NLRP1: variants seen among roughly 807,000 people sequenced by gnomAD.
The protein encoded by NLRP1 is NACHT, LRR and PYD domains-containing protein 1.
Under a neutral mutation model 136.7 loss-of-function variants are expected in NLRP1, and 94 were observed. The ratio of observed to expected loss-of-function variants is 0.69; its 90% CI spans 0.58 to 0.82. The LOEUF is 0.82. NLRP1 is among the 40% of genes least tolerant of loss of function. The pLI, the probability that NLRP1 is intolerant of heterozygous loss-of-function variation, is 0.00. For synonymous variants in NLRP1, 690 were observed against 725.1 expected (o/e 0.95, Z 0.78); for missense variants, 1,575 against 1,802.7 (o/e 0.87, Z 2.29).
Position 5,532,970 on chromosome 17 carries a change from C to T in NLRP1, c.3148G>A (p.Glu1050Lys). 6.2e-7 allele frequency: 1 copy of T among 1,612,372 alleles called. No individual in the cohort carries two copies. Among genetic ancestry groups the T allele is most frequent in the Non-Finnish European group, 8.5e-7 (1 of 1,179,358 alleles). The change falls in exon 11 of 17, where the codon GAG (glutamate) becomes AAG (lysine). Residue 1050 changes from glutamate to lysine, a missense_variant. Glu to Lys is a moderately conservative substitution (Grantham distance 56, BLOSUM62 1). Coordinates refer to ENST00000572272, the MANE Select transcript of NLRP1 (RefSeq NM_033004.4). ...CACAAGAGTTCCACCGGTACTACCT[C>T]TGGGGAGCTTTCCTCTGAAACAGCA... ...IAEIAEESSP[E>K]VVPVELLCVP... is the part of the protein sequence containing the mutation.
chr17:5,542,734 C>CTCCTTCCTTCCT (rs1246321354), intron 5 of NLRP1, among the ~76,000 whole-genome samples: 1 of 132,406 alleles, frequency 7.6e-6, no homozygotes, highest in Non-Finnish European at 1.6e-5. Flanking sequence ...CTCCCTCCCT[C>CTCCTTCCTTCCT]TCCTTCCTTC....
intron 3 of NLRP1, among the ~76,000 whole-genome samples, chr17:5,573,582 A>ACACCT (rs1243677021): frequency 5.9e-5 from 9 of 152,200 alleles, no homozygotes; most frequent in Non-Finnish European, 1.5e-5. Flanking sequence ...GGGCAGACTG[A>ACACCT]CACCTCACAC....
rs1384827815 is a variant in NLRP1, at chr17:5,502,719, G to C, written c.4070-847C>G. 6 of 152,922 alleles carry C rather than the reference G, an allele frequency of 3.9e-5. No individual in the cohort carries two copies. The Admixed American group carries it at 3.9e-4, about 10-fold the overall frequency. 9.5% of individuals were successfully genotyped at this position (152,922 alleles called of 1,614,324 possible). On this transcript the variant is annotated intron_variant, in intron 15 of 15. Coordinates refer to the NLRP1 transcript ENST00000262467. The stretch of plus-strand genomic sequence containing the variant: ...GAAGGCAGAATGGAAGGACATGGAA[G>C]GACCAGAGAGTGAAAAGTGGAATGA...
At chr17:5,580,221 C>A (rs1905471644) in intron 3 of NLRP1, among the ~76,000 whole-genome samples, 1 of 151,946 alleles carries the variant, frequency 6.6e-6, no homozygotes, top group Non-Finnish European at 1.5e-5. Flanking sequence ...GGTGACCGAG[C>A]AAGACTCTGT....
downstream of NLRP1, among the ~76,000 whole-genome samples, chr17:5,510,863 T>C (rs957928733): frequency 2.0e-5 from 3 of 152,034 alleles, no homozygotes; most frequent in East Asian, 3.9e-4. Context: ...TGAGAATAGA[T>C]ACTCTGGCCT....
chr17:5,527,504 G>T (rs1196765266), intron 12 of NLRP1, among the ~76,000 whole-genome samples: 1 of 152,128 alleles, frequency 6.6e-6, no homozygotes, highest in Non-Finnish European at 1.5e-5. Context: ...CTTAGCCTGG[G>T]ATAAACAGGA....
rs900427548 is a variant in NLRP1 at position 5,514,727 on chromosome 17, C to G, written c.*27G>C. The stretch of plus-strand genomic sequence containing the variant: ...AGAAGGGTCAGCCAAAGCCAGGACT[C>G]AAGGGTCAAGGGCTGGTGTTGATAC... On this transcript the variant is annotated 3_prime_UTR_variant, in exon 17 of 17. Coordinates refer to ENST00000572272, the MANE Select transcript of NLRP1 (RefSeq NM_033004.4). 2 of 1,608,964 alleles carry G rather than the reference C, an allele frequency of 1.2e-6. No individual in the cohort carries two copies. The highest frequency in any genetic ancestry group is 1.3e-5 in the African/African-American group (1 of 74,866).
intron 3 of NLRP1, among the ~76,000 whole-genome samples, chr17:5,581,199 G>A (rs1248988263): frequency 2.6e-5 from 4 of 152,194 alleles, no homozygotes; most frequent in Non-Finnish European, 5.9e-5. Context: ...TGTGGCATCA[G>A]GAGCCTCTGT....
At chr17:5,518,502 A>G (rs1908433276) in intron 14 of NLRP1, 1 of 152,014 alleles carries the variant, frequency 6.6e-6, no homozygotes, top group Admixed American at 6.5e-5. Context: ...TTCCTAGTCA[A>G]GTGACCTTCA....
downstream of NLRP1, among the ~76,000 whole-genome samples, chr17:5,509,120 T>C (rs1907497450): frequency 6.6e-6 from 1 of 152,240 alleles, no homozygotes; most frequent in African/African-American, 2.4e-5. Flanking sequence ...GCAGGACTCC[T>C]GACCAATAGC....
intron 14 of NLRP1, among the ~76,000 whole-genome samples, chr17:5,518,742 T>C (rs1441383940): frequency 6.6e-6 from 1 of 151,606 alleles, no homozygotes; most frequent in African/African-American, 2.4e-5. Context: ...ATGGCCCAGG[T>C]TGGTCTTGAG....
At chr17:5,549,200 G>A (rs1567652889) in intron 5 of NLRP1, among the ~76,000 whole-genome samples, 1 of 149,976 alleles carries the variant, frequency 6.7e-6, no homozygotes, top group Non-Finnish European at 1.5e-5. Flanking sequence ...TTTTTGGATT[G>A]TTCATTGCTA....
At chr17:5,531,472 G>C (rs1484100737) in intron 11 of NLRP1, among the ~76,000 whole-genome samples, 1 of 152,110 alleles carries the variant, frequency 6.6e-6, no homozygotes, top group Non-Finnish European at 1.5e-5. Context: ...TCCTGCCTCG[G>C]TCTCTTAAAG....
Position 5,504,400 on chromosome 17 carries a change from A to C in NLRP1, c.4070-2528T>G, listed in dbSNP as rs1280119439. ...TTTGGGAGGCTGAGGTAGGTGGATC[A>C]CCTGAGGTCAGGAGTTCGAGACCAG... On this transcript the variant is annotated intron_variant, in intron 15 of 15. Transcript: ENST00000262467. This position sits in a 1 kb window ranked among gnomAD's most constrained non-coding sequence, Gnocchi z 4.4. 6.6e-6 allele frequency: 1 copy of C among 152,122 alleles called. No homozygotes were observed. Among genetic ancestry groups the C allele is most frequent in the African/African-American group, 2.4e-5 (1 of 41,364 alleles). 9.4% of individuals were successfully genotyped at this position (152,122 alleles called of 1,614,324 possible). A position where few individuals can be genotyped will look rare whatever the true frequency, so the allele number is the denominator to read the frequency against.
At chr17:5,520,466 C>T (rs1181871609) in intron 14 of NLRP1, among the ~76,000 whole-genome samples, 4 of 152,174 alleles carry the variant, frequency 2.6e-5, no homozygotes, top group African/African-American at 9.7e-5. Flanking sequence ...CAAATGTATG[C>T]AACCAAGGCC....
intron 5 of NLRP1, 24 bp downstream of exon 5, chr17:5,553,362 G>C (rs1913618384): frequency 6.3e-7 from 1 of 1,594,458 alleles, no homozygotes; most frequent in African/African-American, 1.3e-5. Flanking sequence ...CCCTGCTTCA[G>C]AACAGAACCC....
chr17:5,518,234 T>G, intron 14 of NLRP1: 1 of 196,992 alleles, frequency 5.1e-6, no homozygotes, highest in East Asian at 1.4e-4. Flanking sequence ...CACTGTCGAT[T>G]GACAAAAATT....
Position 5,584,290 on chromosome 17 carries a change from C to T in NLRP1, c.-333G>A, listed in dbSNP as rs200041485. The T allele has an allele frequency of 1.5e-5, 6 of 399,536 alleles. No homozygotes were observed. The highest frequency in any genetic ancestry group is 2.8e-5 in the Non-Finnish European group (6 of 215,312). 24.7% of individuals were successfully genotyped at this position (399,536 alleles called of 1,614,324 possible). A position where few individuals can be genotyped will look rare whatever the true frequency, so the allele number is the denominator to read the frequency against. ...CGGGAGATGGGGTGTGGGCAACGCT[C>T]ACTGTTCTGTGTTCCTCAGATTCTT... On this transcript the variant is annotated 5_prime_UTR_variant, in exon 1 of 17. Coordinates refer to ENST00000572272, the MANE Select transcript of NLRP1 (RefSeq NM_033004.4).
rs200045571 is a variant in NLRP1 at position 5,553,414 on chromosome 17, G to T, written c.2500C>A (p.Arg834Ser). ...AGGGTCTCCAGGAGGCAGCGAGGGCGTCTCAGGGTCTTACAAAGACTCTTC... is the reference window on the plus strand; with the variant it reads ...AGGGTCTCCAGGAGGCAGCGAGGGCTTCTCAGGGTCTTACAAAGACTCTTC... ...AVKSLCKTLR[R>S]PRCLLETLRL... Residue 834 changes from arginine to serine, a missense_variant, in exon 5 of 17, where the codon CGC becomes AGC. Physicochemically the swap from Arg to Ser is moderately radical, Grantham distance 110. Coordinates refer to ENST00000572272, the MANE Select transcript of NLRP1 (RefSeq NM_033004.4). 1 of 1,613,518 alleles carries T rather than the reference G, an allele frequency of 6.2e-7. No homozygotes were observed. Among genetic ancestry groups the T allele is most frequent in the Non-Finnish European group, 8.5e-7 (1 of 1,179,742 alleles).
Sources: allele counts gnomAD v4.1 joint callset (sites outside exome capture counted in the v4.1 genomes callset), GRCh38; gene constraint gnomAD v4.1.1; non-coding constraint Gnocchi (gnomAD v3.1); transcripts MANE v1.5; gene names NCBI Gene and HGNC (gene_info 2026-07-23, HGNC 2026-07-21).